STAMBPL1: variants seen among roughly 807,000 people sequenced by gnomAD.
STAMBPL1 encodes STAM binding protein like 1.
Under a neutral mutation model 52.9 loss-of-function variants are expected in STAMBPL1, and 44 were observed. That is an observed-to-expected ratio of 0.83 (90% CI 0.65 to 1.07). STAMBPL1 has a LOEUF of 1.07. Among genes scored for constraint, STAMBPL1 ranks in the 50% least tolerant of loss-of-function variants. The probability of loss-of-function intolerance (pLI) is 0.00; values close to 1 mark genes in which losing one functional copy is unlikely to be tolerated. For synonymous variants in STAMBPL1, 164 were observed against 177.3 expected (o/e 0.92, Z 0.60); for missense variants, 511 against 520.8 (o/e 0.98, Z 0.18).
In STAMBPL1 at chr10:88,880,335, C is replaced by G. The variant is rs906569504; in HGVS notation, c.-357C>G. 4 of 152,272 alleles carry G rather than the reference C, an allele frequency of 2.6e-5. No homozygotes were observed. The highest frequency in any genetic ancestry group is 5.9e-5 in the Non-Finnish European group (4 of 68,092). The allele number at this position is 152,272 out of a possible 1,614,324, so 9.4% of individuals were successfully genotyped here. A position where few individuals can be genotyped will look rare whatever the true frequency, so the allele number is the denominator to read the frequency against. ...CGGCCTGCGCGTGGGCTTGCGAGGA[C>G]GCTGTTCGTCCCCTGCGCTGGGGTG... On this transcript the variant is annotated 5_prime_UTR_variant, in exon 1 of 11. Transcript: ENST00000371926.
intron 7 of STAMBPL1, among the ~76,000 whole-genome samples, chr10:88,916,334 C>T (rs1326044188): frequency 1.3e-5 from 2 of 151,518 alleles, no homozygotes; most frequent in African/African-American, 4.8e-5. Context: ...TCAGTTTTTC[C>T]ATTATAGATA....
rs1391585322 is a variant in STAMBPL1, at chr10:88,880,648, G to GGC, written c.-54+20_-54+21dup. 4.6e-5 allele frequency: 7 copies of GGC among 152,238 alleles called. No homozygotes were observed. Among genetic ancestry groups the GGC allele is most frequent in the South Asian group, 2.1e-4 (1 of 4,836 alleles). 9.4% of individuals were successfully genotyped at this position (152,238 alleles called of 1,614,324 possible). A position where few individuals can be genotyped will look rare whatever the true frequency, so the allele number is the denominator to read the frequency against. ...ACACCAAGGGTTGCTAGTGAGTAGC[G>GGC]GCGCGCGCGCGTGAGTGAGAGCGCG... On this transcript the variant is annotated intron_variant, in intron 1 of 10. Transcript: ENST00000371926.
At chr10:88,895,684 G>A (rs1844793822) in intron 1 of STAMBPL1, among the ~76,000 whole-genome samples, 1 of 152,200 alleles carries the variant, frequency 6.6e-6, no homozygotes, top group African/African-American at 2.4e-5. Context: ...AAGATAAGGT[G>A]CACAAAAAGG....
intron 1 of STAMBPL1, among the ~76,000 whole-genome samples, chr10:88,881,605 G>T (rs901360939): frequency 6.6e-6 from 1 of 152,182 alleles, no homozygotes; most frequent in East Asian, 1.9e-4. Flanking sequence ...ATGGTCTCAT[G>T]ATTTAAGGCC....
chr10:88,921,784 C>CA (rs950349557), intron 9 of STAMBPL1, among the ~76,000 whole-genome samples: 3 of 152,016 alleles, frequency 2.0e-5, no homozygotes, highest in Admixed American at 6.6e-5. Flanking sequence ...GCATGGGAAT[C>CA]AAAAAAACAT....
chr10:88,907,944 C>A (rs1359866012), intron 3 of STAMBPL1, among the ~76,000 whole-genome samples: 4 of 152,152 alleles, frequency 2.6e-5, no homozygotes, highest in Non-Finnish European at 1.5e-5. Flanking sequence ...ATTTACAGCT[C>A]ATTATGATTT....
intron 8 of STAMBPL1, among the ~76,000 whole-genome samples, chr10:88,919,388 G>A (rs1359231615): frequency 1.3e-5 from 2 of 152,144 alleles, no homozygotes; most frequent in Non-Finnish European, 2.9e-5. Context: ...TGTAGAGTGA[G>A]GGAATGGGAG....
chr10:88,922,313 T>A, intron 9 of STAMBPL1, 24 bp from the exon 10 acceptor site: 1 of 1,611,212 alleles, frequency 6.2e-7, no homozygotes, highest in Non-Finnish European at 8.5e-7. Flanking sequence ...AATTTTTCTA[T>A]CTTGTTTTTG....
chr10:88,887,768 C>T (rs1397400539), intron 1 of STAMBPL1, among the ~76,000 whole-genome samples: 3 of 152,122 alleles, frequency 2.0e-5, no homozygotes, highest in African/African-American at 7.2e-5. Flanking sequence ...GTGATCTTTC[C>T]ACCTCAGCCA....
chr10:88,916,566 C>G, intron 7 of STAMBPL1, 114 bp from the exon 8 acceptor site: 1 of 1,036,206 alleles, frequency 9.7e-7, no homozygotes, highest in Non-Finnish European at 1.3e-6. Flanking sequence ...GTCCCTGTAC[C>G]TGGACACACC....
rs946266062 is a variant in STAMBPL1, at chr10:88,922,192, T to TA, written c.1155-135dup. ...CTCTCCTCTGGACCAGTCATTGGTT[T>TA]AAAAAAAAAATCACTATGGAATTCC... On this transcript the variant is annotated intron_variant, in intron 9 of 10. Coordinates refer to ENST00000371926, the MANE Select transcript of STAMBPL1 (RefSeq NM_020799.4). The TA allele has an allele frequency of 1.9e-3, 1,388 of 717,870 alleles. 1 individual carries two copies. Among genetic ancestry groups the TA allele is most frequent in the East Asian group, 8.0e-3 (266 of 33,222 alleles). 44.5% of individuals were successfully genotyped at this position (717,870 alleles called of 1,614,324 possible).
intron 9 of STAMBPL1, 75 bp downstream of exon 9, chr10:88,921,470 A>G (rs1845510351): frequency 2.5e-6 from 3 of 1,195,292 alleles, no homozygotes; most frequent in Non-Finnish European, 3.7e-6. Context: ...TCCAGACACC[A>G]GGTTGTGGTA....
chr10:88,918,977 G>T (rs1256963352), intron 8 of STAMBPL1, among the ~76,000 whole-genome samples: 3 of 152,048 alleles, frequency 2.0e-5, no homozygotes, highest in African/African-American at 7.2e-5. Context: ...AAATTATTGT[G>T]GTTGGATGAA....
At position 88,916,698 on chromosome 10, in the gene STAMBPL1, AT is replaced by A; in HGVS notation, c.924del (p.Thr309ProfsTer3). On this transcript the variant is annotated frameshift_variant, in exon 8 of 11. Transcript: ENST00000371926. LOFTEE classifies it high-confidence loss of function. ...TTTTTAGACACATAATGAATTTACT[AT>A]TACCCATGTAATTGTGCCAAAGCAG... is the stretch of plus-strand genomic sequence containing the variant. ...CGKLTHNEFT[I>X]THVIVPKQSA... The A allele has an allele frequency of 6.2e-7, 1 of 1,603,460 alleles. No individual in the cohort carries two copies. Among genetic ancestry groups the A allele is most frequent in the East Asian group, 2.3e-5 (1 of 44,378 alleles).
intron 1 of STAMBPL1, among the ~76,000 whole-genome samples, chr10:88,889,099 G>T (rs72809311): frequency 0.1 from 15,423 of 152,158 alleles, 953 homozygotes; most frequent in Non-Finnish European, 0.15. Context: ...TGACATCCTG[G>T]TTCAGTACAA....
At chr10:88,891,382 T>C (rs1844678915) in intron 1 of STAMBPL1, among the ~76,000 whole-genome samples, 1 of 152,110 alleles carries the variant, frequency 6.6e-6, no homozygotes, top group East Asian at 1.9e-4. Context: ...GAACTAATAA[T>C]TATAGAAGGA....
chr10:88,908,702 C>T lies in STAMBPL1; in HGVS notation c.249C>T (p.Thr83=). 6.2e-7 allele frequency: 1 copy of T among 1,608,718 alleles called. No homozygotes were observed. The highest frequency in any genetic ancestry group is 8.5e-7 in the Non-Finnish European group (1 of 1,178,152). The change falls in exon 4 of 11, where the codon ACC becomes ACT. Residue 83 remains threonine, a splice_region_variant and synonymous_variant. Transcript: ENST00000371926. ...NAFVLYNKFI[T]LFVEKLPNHR... ...TAAGGACATGTTTTCTCTTCCTTAG[C>T]TTATTTGTAGAAAAGCTTCCTAACC...
intron 4 of STAMBPL1, among the ~76,000 whole-genome samples, chr10:88,910,443 G>T (rs79188560): frequency 9.2e-5 from 14 of 151,952 alleles, no homozygotes; most frequent in African/African-American, 3.4e-4. Context: ...GATTAGGCTT[G>T]GGGGGGTCTG....
chr10:88,884,987 ATGTC>A lies in STAMBPL1; in HGVS notation c.-54+4352_-54+4355del, dbSNP rs1205359141. Among the ~76,000 whole-genome samples, 7 of 152,318 alleles carry A rather than the reference ATGTC, an allele frequency of 4.6e-5. No homozygotes were observed. In the South Asian group the frequency reaches 6.2e-4, roughly 14 times the overall value. On this transcript the variant is annotated intron_variant, in intron 1 of 10. Transcript: ENST00000371926. Reference sequence around the variant, plus strand: ...CTGTAAATGCAAAGTGGTTAGAACAATGTCTGGCACAAAATTAAGTGCTATATGT... The same window carrying A: ...CTGTAAATGCAAAGTGGTTAGAACAATGGCACAAAATTAAGTGCTATATGT...
Sources: gnomAD v4.1 joint callset for allele counts (sites outside exome capture counted in the v4.1 genomes callset) on GRCh38, gnomAD v4.1.1 for gene constraint, MANE v1.5 for transcripts, NCBI Gene and HGNC (gene_info 2026-07-23, HGNC 2026-07-21) for gene names.